Variants in SLC38A6 observed in about 807,000 individuals in gnomAD.
SLC38A6 encodes solute carrier family 38 member 6, also known as N system amino acid transporter NAT-1.
Under a neutral mutation model 65.0 loss-of-function variants are expected in SLC38A6, and 73 were observed. The ratio of observed to expected loss-of-function variants is 1.12; its 90% CI spans 0.93 to 1.37. SLC38A6 has a LOEUF of 1.37. Among genes scored for constraint, SLC38A6 ranks in the 40% most tolerant of loss-of-function variants. SLC38A6 has a pLI of 0.00. For missense variants in SLC38A6, 561 were observed against 531.1 expected (o/e 1.06, Z -0.55); for synonymous variants, 183 against 178.8 (o/e 1.02, Z -0.19).
chr14:61,051,686 T>A, intron 13 of SLC38A6, 101 bp from the exon 14 acceptor site: 1 of 1,324,696 alleles, frequency 7.5e-7, no homozygotes, highest in Non-Finnish European at 1.1e-6. Flanking sequence ...CTAAATGATG[T>A]AGGAGGCAAA....
At chr14:61,006,580 A>G (rs2039137435) in intron 3 of SLC38A6, among the ~76,000 whole-genome samples, 1 of 152,352 alleles carries the variant, frequency 6.6e-6, no homozygotes, top group East Asian at 1.9e-4. Context: ...AAAAATGCTC[A>G]CCATCACTGG....
At position 61,062,739 on chromosome 14, in the gene SLC38A6, G is replaced by T. The variant is rs560341623; in HGVS notation, c.1290+10604G>T. On this transcript the variant is annotated intron_variant, in intron 15 of 16. Coordinates refer to the SLC38A6 transcript ENST00000354886. Reference sequence around the variant, plus strand: ...TCCGTCACCCAGGCTGGAGTGCAGTGGTATAATCTCGGCTCACTGCAACCT... The same window carrying T: ...TCCGTCACCCAGGCTGGAGTGCAGTTGTATAATCTCGGCTCACTGCAACCT... Among the ~76,000 whole-genome samples the T allele has an allele frequency of 2.0e-5, 3 of 152,196 alleles. No individual in the cohort carries two copies. In the East Asian group the frequency reaches 5.8e-4, roughly 29 times the overall value.
chr14:61,010,364 C>A (rs367892456), intron 3 of SLC38A6, among the ~76,000 whole-genome samples: 72 of 152,266 alleles, frequency 4.7e-4, no homozygotes, highest in South Asian at 3.5e-3. Flanking sequence ...TTTTGCTGTG[C>A]AGAAGCTCTT....
intron 12 of SLC38A6, among the ~76,000 whole-genome samples, chr14:61,047,681 T>C (rs1017378315): frequency 6.6e-6 from 1 of 152,140 alleles, no homozygotes; most frequent in Non-Finnish European, 1.5e-5. Context: ...CTATGTATAA[T>C]CTATCTATCT....
intron 6 of SLC38A6, among the ~76,000 whole-genome samples, chr14:61,036,516 G>A (rs542756706): frequency 1.3e-5 from 2 of 152,082 alleles, no homozygotes; most frequent in South Asian, 2.1e-4. Flanking sequence ...CCTAGATGAC[G>A]GGTTGATAGG....
intron 8 of SLC38A6, among the ~76,000 whole-genome samples, chr14:61,040,270 T>C (rs533587674): frequency 3.7e-4 from 56 of 151,828 alleles, no homozygotes; most frequent in African/African-American, 1.3e-3. Flanking sequence ...CTGCCGGGCT[T>C]AGGTGATTCT....
At chr14:61,005,419 A>G (rs887867958) in intron 3 of SLC38A6, among the ~76,000 whole-genome samples, 1 of 136,758 alleles carries the variant, frequency 7.3e-6, no homozygotes, top group Non-Finnish European at 1.6e-5. Context: ...ACATGATTGT[A>G]TATCTAGAAA....
At chr14:61,072,748 A>G (rs183474909) in intron 15 of SLC38A6, among the ~76,000 whole-genome samples, 1 of 152,312 alleles carries the variant, frequency 6.6e-6, no homozygotes, top group African/African-American at 2.4e-5. Context: ...CATTGTGTAT[A>G]TGTTCCACAT....
At chr14:61,020,137 T>C (rs1332260525) in intron 5 of SLC38A6, among the ~76,000 whole-genome samples, 1 of 152,172 alleles carries the variant, frequency 6.6e-6, no homozygotes, top group Non-Finnish European at 1.5e-5. Flanking sequence ...TATTGAGAAC[T>C]ATGTAGAAAT....
chr14:61,037,731 C>A, intron 8 of SLC38A6, 48 bp downstream of exon 8: 2 of 1,265,140 alleles, frequency 1.6e-6, no homozygotes, highest in Non-Finnish European at 2.2e-6. Flanking sequence ...TAAAATTGGA[C>A]TCATTGTGTT....
chr14:61,068,067 T>C (rs555111008), intron 15 of SLC38A6, among the ~76,000 whole-genome samples: 1 of 152,234 alleles, frequency 6.6e-6, no homozygotes, highest in African/African-American at 2.4e-5. Context: ...TTTCCTCACT[T>C]CCCTTGGAAG....
At chr14:60,983,365 C>A (rs948051332) in intron 2 of SLC38A6, among the ~76,000 whole-genome samples, 8 of 152,240 alleles carry the variant, frequency 5.3e-5, no homozygotes, top group African/African-American at 1.9e-4. Flanking sequence ...GTGGAGTGCG[C>A]CTGTAGTCCT....
At chr14:61,041,519 G>T (rs1204064389) in intron 8 of SLC38A6, among the ~76,000 whole-genome samples, 1 of 152,186 alleles carries the variant, frequency 6.6e-6, no homozygotes, top group Non-Finnish European at 1.5e-5. Context: ...CACATACAGA[G>T]TTTATCTAGG....
At chr14:61,007,325 A>AAATAC (rs2039210209) in intron 3 of SLC38A6, among the ~76,000 whole-genome samples, 4 of 150,174 alleles carry the variant, frequency 2.7e-5, no homozygotes, top group South Asian at 4.2e-4. Context: ...AATAATAATA[A>AAATAC]AATAAAATAA....
At chr14:61,075,029 G>C (rs915557295) in intron 15 of SLC38A6, among the ~76,000 whole-genome samples, 5 of 152,118 alleles carry the variant, frequency 3.3e-5, no homozygotes, top group African/African-American at 9.7e-5. Context: ...TATGAAAATG[G>C]TTGGCAAGAG....
chr14:61,030,628 T>G, intron 6 of SLC38A6, 105 bp downstream of exon 6: 2 of 733,262 alleles, frequency 2.7e-6, no homozygotes, highest in Non-Finnish European at 4.5e-6. Flanking sequence ...ATAAATGTAG[T>G]CCTTGCCCTC....
intron 15 of SLC38A6, among the ~76,000 whole-genome samples, chr14:61,065,783 A>G (rs973636840): frequency 6.6e-6 from 1 of 152,222 alleles, no homozygotes; most frequent in Non-Finnish European, 1.5e-5. Flanking sequence ...TGGAAGATCT[A>G]TCTTTAAGGT....
intron 4 of SLC38A6, 51 bp downstream of exon 4, chr14:61,016,007 C>A (rs1291761369): frequency 6.9e-7 from 1 of 1,450,338 alleles, no homozygotes; most frequent in Admixed American, 2.0e-5. Flanking sequence ...GGCATTTTTC[C>A]TTTTGTTTCA....
In SLC38A6 at chr14:61,061,907, G is replaced by A. The variant is rs186098290; in HGVS notation, c.1290+9772G>A. 1.1e-4 allele frequency among the ~76,000 whole-genome samples: 16 copies of A among 151,218 alleles called. No individual in the cohort carries two copies. In the East Asian group the frequency reaches 2.1e-3, roughly 20 times the overall value. ...GGCTGGAGTGCAATGGTGTGATCTC[G>A]GCTCACTGTAGCCTCCATCTCCCAG... is the stretch of plus-strand genomic sequence containing the variant. On this transcript the variant is annotated intron_variant, in intron 15 of 16. Transcript: ENST00000354886.
Sources: gnomAD v4.1 joint callset for allele counts (sites outside exome capture counted in the v4.1 genomes callset) on GRCh38, gnomAD v4.1.1 for gene constraint, MANE v1.5 for transcripts, NCBI Gene and HGNC (gene_info 2026-07-23, HGNC 2026-07-21) for gene names.